Variants in WWC1 observed in about 807,000 individuals in gnomAD.
WWC1 encodes protein KIBRA.
In WWC1, 55 loss-of-function variants were observed where a neutral mutation model predicts 138.4. That is an observed-to-expected ratio of 0.40 (90% CI 0.32 to 0.50). The LOEUF is 0.50. Among genes scored for constraint, WWC1 ranks in the 20% least tolerant of loss-of-function variants. The pLI is 0.72. For missense variants in WWC1, 1,226 were observed against 1,420.4 expected, an observed-to-expected ratio of 0.86 and a Z score of 2.20; for synonymous variants, 524 against 564.9, an observed-to-expected ratio of 0.93 and a Z score of 1.03.
intron 3 of WWC1, among the ~76,000 whole-genome samples, chr5:168,387,214 A>G (rs909472369): frequency 3.9e-5 from 6 of 152,180 alleles, no homozygotes; most frequent in African/African-American, 1.4e-4. Flanking sequence ...GGGCCAGGCC[A>G]CAGGGACTAG....
intron 2 of WWC1, among the ~76,000 whole-genome samples, chr5:168,373,256 G>A (rs1364576545): frequency 6.6e-6 from 1 of 152,230 alleles, no homozygotes; most frequent in Non-Finnish European, 1.5e-5. Context: ...GGATTTCAAG[G>A]TGCTTCTGGG....
chr5:168,355,684 AG>A (rs1402773229), intron 1 of WWC1, among the ~76,000 whole-genome samples: 7 of 152,064 alleles, frequency 4.6e-5, no homozygotes, highest in African/African-American at 1.4e-4. Flanking sequence ...GGAGCAGGTC[AG>A]GGGCAAGGAG....
At chr5:168,449,661 C>A (rs1369225815) in intron 17 of WWC1, among the ~76,000 whole-genome samples, 1 of 151,324 alleles carries the variant, frequency 6.6e-6, no homozygotes, top group South Asian at 2.1e-4. Context: ...GTGACCTCCA[C>A]CTCATGGGTT....
chr5:168,442,787 AG>A (rs1754900275), intron 16 of WWC1, among the ~76,000 whole-genome samples: 1 of 151,486 alleles, frequency 6.6e-6, no homozygotes, highest in African/African-American at 2.4e-5. Context: ...CAGTGAGCCA[AG>A]ATTACACTGT....
In WWC1 at chr5:168,422,113, T is replaced by TG; in HGVS notation, c.1274+17dup. On this transcript the variant is annotated intron_variant, in intron 10 of 22. Transcript: ENST00000265293. ...AGCTGAAAAGGTGAGTGGTGGGCGG[T>TG]GAGGCCACTGCTCCCCTGGGCATGG... is the stretch of plus-strand genomic sequence containing the variant. 1.9e-6 allele frequency: 3 copies of TG among 1,610,840 alleles called. No homozygotes were observed. Among genetic ancestry groups the TG allele is most frequent in the Non-Finnish European group, 2.5e-6 (3 of 1,178,080 alleles).
chr5:168,380,551 C>G (rs1451699034), intron 2 of WWC1, among the ~76,000 whole-genome samples: 1 of 152,140 alleles, frequency 6.6e-6, no homozygotes, highest in Non-Finnish European at 1.5e-5. Context: ...TGTGGAAGAA[C>G]TAGAATTCTG....
intron 17 of WWC1, among the ~76,000 whole-genome samples, chr5:168,445,822 T>G (rs571045969): frequency 1.3e-5 from 2 of 152,184 alleles, no homozygotes; most frequent in East Asian, 3.9e-4. Context: ...CTTTACTATG[T>G]GACCTCCATC....
chr5:168,387,092 C>T (rs935067348), intron 3 of WWC1, among the ~76,000 whole-genome samples: 9 of 152,186 alleles, frequency 5.9e-5, no homozygotes, highest in African/African-American at 2.4e-5. Context: ...CACCCTTTTA[C>T]AGATTAGGAA....
chr5:168,298,293 C>T (rs1769747814), intron 1 of WWC1, among the ~76,000 whole-genome samples: 1 of 152,112 alleles, frequency 6.6e-6, no homozygotes, highest in African/African-American at 2.4e-5. Flanking sequence ...CCTGCCTCAG[C>T]CTCCCAAAGT....
intron 1 of WWC1, among the ~76,000 whole-genome samples, chr5:168,346,479 A>G (rs1373277518): frequency 6.6e-6 from 1 of 152,170 alleles, no homozygotes; most frequent in Non-Finnish European, 1.5e-5. Flanking sequence ...GTGCCCCAAC[A>G]TCAGAATGAA....
intron 9 of WWC1, among the ~76,000 whole-genome samples, chr5:168,416,955 C>T (rs1399320094): frequency 6.6e-6 from 1 of 152,118 alleles, no homozygotes; most frequent in Non-Finnish European, 1.5e-5. Context: ...GCAACTTCCA[C>T]CTTCCGAGTT....
rs2152853192 is a variant in WWC1, at chr5:168,423,515, C to T, written c.1275-18C>T. The T allele has an allele frequency of 6.3e-7, 1 of 1,597,340 alleles. No homozygotes were observed. The highest frequency in any genetic ancestry group is 8.5e-7 in the Non-Finnish European group (1 of 1,172,640). The stretch of plus-strand genomic sequence containing the variant: ...TCACTGTGTGCATCTCACTGTCCTT[C>T]CCCTCCCTGTGTCCCAGTCTCTCAA... On this transcript the variant is annotated intron_variant, in intron 10 of 22. Coordinates refer to ENST00000265293, the MANE Select transcript of WWC1 (RefSeq NM_015238.3).
intron 15 of WWC1, among the ~76,000 whole-genome samples, 183 bp from the exon 16 acceptor site, chr5:168,441,499 C>G (rs115862640): frequency 1.0e-3 from 159 of 152,258 alleles, no homozygotes; most frequent in East Asian, 6.0e-3. Flanking sequence ...ACCAATCAAT[C>G]AATGAATGAA....
intron 17 of WWC1, among the ~76,000 whole-genome samples, chr5:168,444,918 G>C (rs1755109702): frequency 6.6e-6 from 1 of 151,558 alleles, no homozygotes; most frequent in African/African-American, 2.4e-5. Context: ...AATTTGTGTA[G>C]TTTGCCATAA....
At chr5:168,307,803 GT>G (rs547281182) in intron 1 of WWC1, among the ~76,000 whole-genome samples, 8 of 151,842 alleles carry the variant, frequency 5.3e-5, no homozygotes, top group Non-Finnish European at 1.2e-4. Flanking sequence ...TCAGAAGTGG[GT>G]TTTCACCATG....
chr5:168,390,758 G>A lies in WWC1; in HGVS notation c.433+5344G>A, dbSNP rs141146244. Among the ~76,000 whole-genome samples, 622 of 152,372 alleles carry A rather than the reference G, an allele frequency of 4.1e-3. 2 individuals are homozygous for A. The highest frequency in any genetic ancestry group is 0.014 in the African/African-American group (599 of 41,588). On this transcript the variant is annotated intron_variant, in intron 3 of 22. Transcript: ENST00000265293. ...GCTCTGGGTCCCAGACACAGACGGGGCCCTGCCTTGGGGGTGGAGACTTTG... is the reference window on the plus strand; with the variant it reads ...GCTCTGGGTCCCAGACACAGACGGGACCCTGCCTTGGGGGTGGAGACTTTG...
chr5:168,344,248 T>C (rs1461551961), intron 1 of WWC1, among the ~76,000 whole-genome samples: 1 of 152,212 alleles, frequency 6.6e-6, no homozygotes, highest in Non-Finnish European at 1.5e-5. Context: ...CTAAAAAGAA[T>C]TCACTGGCCT....
chr5:168,408,925 G>T (rs1780018152), intron 7 of WWC1, among the ~76,000 whole-genome samples: 1 of 152,142 alleles, frequency 6.6e-6, no homozygotes, highest in Non-Finnish European at 1.5e-5. Flanking sequence ...TCTTAATGCT[G>T]CACAGAAAGC....
chr5:168,332,609 T>C (rs1251954963), intron 1 of WWC1, among the ~76,000 whole-genome samples: 2 of 152,248 alleles, frequency 1.3e-5, no homozygotes, highest in Non-Finnish European at 2.9e-5. Context: ...AAATATTAAC[T>C]TCCCTGTAAC....
Sources: allele counts gnomAD v4.1 joint callset (sites outside exome capture counted in the v4.1 genomes callset), GRCh38; gene constraint gnomAD v4.1.1; transcripts MANE v1.5; gene names NCBI Gene and HGNC (gene_info 2026-07-23, HGNC 2026-07-21).